The following BNC2 variants were observed in gnomAD, a reference collection of about 807,000 sequenced individuals.
BNC2 encodes zinc finger protein basonuclin-2.
A neutral mutation model predicts 76.3 loss-of-function variants in BNC2; 20 were observed. The observed-to-expected ratio is 0.26, with a 90% confidence interval of 0.18 to 0.38. The LOEUF (loss-of-function observed/expected upper bound fraction) is 0.38. Among genes scored for constraint, BNC2 ranks in the 10% least tolerant of loss-of-function variants. The probability of loss-of-function intolerance (pLI) is 1.00; values close to 1 mark genes in which losing one functional copy is unlikely to be tolerated. For synonymous variants in BNC2, 582 were observed against 514.8 expected, an observed-to-expected ratio of 1.13 and a Z score of -1.77; for missense variants, 1,382 against 1,399.8, an observed-to-expected ratio of 0.99 and a Z score of 0.20.
intron 3 of BNC2, among the ~76,000 whole-genome samples, chr9:16,698,772 T>C (rs940424817): frequency 1.3e-5 from 2 of 152,140 alleles, no homozygotes; most frequent in African/African-American, 4.8e-5. Flanking sequence ...TTTTTAAAAG[T>C]CACATATACA....
At chr9:16,765,480 A>C (rs1825665798) in intron 1 of BNC2, among the ~76,000 whole-genome samples, 1 of 152,164 alleles carries the variant, frequency 6.6e-6, no homozygotes, top group South Asian at 2.1e-4. Flanking sequence ...TTTTAGTCAA[A>C]ACTAGTGCCT....
intron 3 of BNC2, among the ~76,000 whole-genome samples, chr9:16,663,104 T>C (rs1389936800): frequency 1.4e-5 from 2 of 144,644 alleles, no homozygotes; most frequent in Non-Finnish European, 3.0e-5. Flanking sequence ...ATTCCAGTGA[T>C]CCATAGGCAC....
intron 3 of BNC2, among the ~76,000 whole-genome samples, chr9:16,607,275 A>C (rs2133378243): frequency 6.6e-6 from 1 of 152,320 alleles, no homozygotes; most frequent in East Asian, 1.9e-4. Context: ...TCGTTTTGAT[A>C]AAAGTAATGC....
intron 3 of BNC2, among the ~76,000 whole-genome samples, chr9:16,654,779 T>G (rs1385393715): frequency 4.6e-5 from 7 of 152,118 alleles, no homozygotes; most frequent in Admixed American, 1.3e-4. Context: ...GGACAGTGTA[T>G]TCTGTTCTAA....
At chr9:16,801,468 C>G (rs1369788408) in intron 1 of BNC2, among the ~76,000 whole-genome samples, 2 of 151,490 alleles carry the variant, frequency 1.3e-5, no homozygotes, top group African/African-American at 4.9e-5. Context: ...GAACTCGTGA[C>G]CTCGTGATCT....
At chr9:16,665,395 A>AGAGAGAGT (rs1822245922) in intron 3 of BNC2, among the ~76,000 whole-genome samples, 1 of 143,278 alleles carries the variant, frequency 7.0e-6, no homozygotes, top group Non-Finnish European at 1.5e-5. Context: ...AAAGAGAGAG[A>AGAGAGAGT]GAGAGAGAAA....
intron 3 of BNC2, among the ~76,000 whole-genome samples, chr9:16,592,734 T>C (rs1819966455): frequency 6.6e-6 from 1 of 152,256 alleles, no homozygotes; most frequent in Admixed American, 6.5e-5. Context: ...CCACCTACTT[T>C]CTTTTAGTGG....
intron 3 of BNC2, among the ~76,000 whole-genome samples, chr9:16,697,328 G>A (rs1457595199): frequency 6.6e-6 from 1 of 152,026 alleles, no homozygotes; most frequent in African/African-American, 2.4e-5. Context: ...CTAGGTGACA[G>A]AGCGAGACTC....
At chr9:16,638,995 T>C (rs944048424) in intron 3 of BNC2, among the ~76,000 whole-genome samples, 33 of 152,168 alleles carry the variant, frequency 2.2e-4, no homozygotes, top group Admixed American at 1.9e-3. Context: ...TCAATTATTA[T>C]TGATTTGAAA....
intron 2 of BNC2, among the ~76,000 whole-genome samples, chr9:16,729,721 C>T (rs1386056494): frequency 6.6e-6 from 1 of 152,112 alleles, no homozygotes. Context: ...CCCTACGAGT[C>T]AATTGTCAAC....
intron 3 of BNC2, among the ~76,000 whole-genome samples, chr9:16,658,510 G>A (rs1451438912): frequency 6.6e-6 from 1 of 152,090 alleles, no homozygotes; most frequent in Non-Finnish European, 1.5e-5. Flanking sequence ...ATATTGTTCA[G>A]CATATCACCT....
chr9:16,513,806 G>C (rs16934765), intron 5 of BNC2, among the ~76,000 whole-genome samples: 10,127 of 152,116 alleles, frequency 0.067, 1,076 homozygotes, highest in African/African-American at 0.22. Context: ...CTGGGGATTA[G>C]AGCTACAGGT....
At chr9:16,588,388 T>A (rs1435097270) in intron 3 of BNC2, among the ~76,000 whole-genome samples, 1 of 152,200 alleles carries the variant, frequency 6.6e-6, no homozygotes, top group East Asian at 1.9e-4. Flanking sequence ...TAATACCATA[T>A]TATTCATACT....
chr9:16,458,016 G>A (rs1483064673), intron 5 of BNC2, among the ~76,000 whole-genome samples: 1 of 152,170 alleles, frequency 6.6e-6, no homozygotes, highest in Non-Finnish European at 1.5e-5. Context: ...TGGGTAGGTG[G>A]GAGAAAGAGG....
chr9:16,748,950 G>A (rs1335952432), intron 1 of BNC2, among the ~76,000 whole-genome samples: 7 of 108,618 alleles, frequency 6.4e-5, no homozygotes, highest in African/African-American at 3.0e-4. Flanking sequence ...ATATATATAT[G>A]AAATTAACAA....
chr9:16,668,151 C>T (rs1051164242), intron 3 of BNC2, among the ~76,000 whole-genome samples: 5 of 152,140 alleles, frequency 3.3e-5, no homozygotes, highest in African/African-American at 1.2e-4. Context: ...CCTTGTTTTT[C>T]TTCTAAAGGA....
intron 1 of BNC2, among the ~76,000 whole-genome samples, chr9:16,777,364 T>G (rs903370650): frequency 6.6e-6 from 1 of 151,852 alleles, no homozygotes; most frequent in Admixed American, 6.6e-5. Flanking sequence ...AGGAGCAAAT[T>G]TGAATTGAAT....
At chr9:16,559,679 T>C (rs1274691594) in intron 4 of BNC2, among the ~76,000 whole-genome samples, 1 of 152,208 alleles carries the variant, frequency 6.6e-6, no homozygotes, top group Non-Finnish European at 1.5e-5. Flanking sequence ...AACACCTGCC[T>C]TTCTGTGAAA....
intron 1 of BNC2, among the ~76,000 whole-genome samples, chr9:16,813,315 G>A (rs1373913354): frequency 6.6e-6 from 1 of 151,800 alleles, no homozygotes; most frequent in South Asian, 2.1e-4. Context: ...GCCCAGGCTG[G>A]AGTGCAGTGG....
Sources: allele counts gnomAD v4.1 joint callset (sites outside exome capture counted in the v4.1 genomes callset), GRCh38; gene constraint gnomAD v4.1.1; transcripts MANE v1.5; gene names NCBI Gene and HGNC (gene_info 2026-07-23, HGNC 2026-07-21).